Variants in FAXC observed in about 807,000 individuals in gnomAD.
FAXC encodes failed axon connections homolog, metaxin like GST domain containing, also known as failed axon connections homolog.
FAXC carries 10 observed loss-of-function variants against 41.9 expected under a neutral mutation model. The ratio of observed to expected loss-of-function variants is 0.24; its 90% CI spans 0.15 to 0.41. The LOEUF (loss-of-function observed/expected upper bound fraction) is 0.41. FAXC is among the 10% of genes least tolerant of loss of function. FAXC has a pLI of 1.00. For synonymous variants in FAXC, 183 were observed against 183.8 expected (o/e 1.00, Z 0.03); for missense variants, 399 against 510.9 (o/e 0.78, Z 2.11).
At chr6:99,345,544 A>C (rs1773560931) in intron 1 of FAXC, among the ~76,000 whole-genome samples, 1 of 152,194 alleles carries the variant, frequency 6.6e-6, no homozygotes, top group Admixed American at 6.5e-5. Context: ...CTGTACAGCT[A>C]TATTTTATAA....
rs1773702214 is a variant in FAXC at position 99,349,162 on chromosome 6, C to T, written c.211G>A (p.Gly71Arg). ...GCAGCTGCGGCCAGCAAAGCTCCCCCGGTCAAGTAAAGGGTTTTCTTCCAC... is the reference window on the plus strand; with the variant it reads ...GCAGCTGCGGCCAGCAAAGCTCCCCTGGTCAAGTAAAGGGTTTTCTTCCAC... ...PWWKKTLYLT[G>R]GALLAAAAYL... The change falls in exon 1 of 6, where the codon GGG (glycine) becomes AGG (arginine). Residue 71 changes from glycine (G) to arginine (R), a missense_variant. This residue lies in a region of FAXC where 239 missense variants were observed against 352.7 expected (regional missense o/e 0.68). Coordinates refer to ENST00000389677, the MANE Select transcript of FAXC (RefSeq NM_032511.4). 6.2e-7 allele frequency: 1 copy of T among 1,613,844 alleles called. No homozygotes were observed. Among genetic ancestry groups the T allele is most frequent in the Non-Finnish European group, 8.5e-7 (1 of 1,180,006 alleles).
intron 4 of FAXC, among the ~76,000 whole-genome samples, chr6:99,306,684 T>C (rs917412757): frequency 3.3e-5 from 5 of 152,176 alleles, no homozygotes; most frequent in African/African-American, 1.2e-4. Context: ...GGCTAAAAAG[T>C]GTTCAGCAAT....
At chr6:99,309,169 T>C (rs1372593477) in intron 4 of FAXC, among the ~76,000 whole-genome samples, 1 of 152,146 alleles carries the variant, frequency 6.6e-6, no homozygotes, top group East Asian at 1.9e-4. Context: ...CTCATAAAGA[T>C]TTTTTAAAGA....
At chr6:99,338,797 T>C (rs6569995) in intron 2 of FAXC, among the ~76,000 whole-genome samples, 134,578 of 152,236 alleles carry the variant, frequency 0.88, 59,914 homozygotes, top group East Asian at 1. Context: ...ACCTTGTTTC[T>C]TCCATTGCTG....
intron 4 of FAXC, among the ~76,000 whole-genome samples, chr6:99,300,871 T>C (rs1771677272): frequency 6.6e-6 from 1 of 152,212 alleles, no homozygotes; most frequent in Admixed American, 6.5e-5. Context: ...TCAAATCCTT[T>C]TATAAGGAAC....
rs1163691836 is a variant in FAXC, at chr6:99,280,237, G to T, written c.*927C>A. The T allele has an allele frequency of 2.6e-5, 4 of 152,162 alleles. No individual in the cohort carries two copies. The highest frequency in any genetic ancestry group is 7.2e-5 in the African/African-American group (3 of 41,456). The allele number at this position is 152,162 out of a possible 1,614,324, so 9.4% of individuals were successfully genotyped here. Reference sequence around the variant, plus strand: ...CATTTCCAATGTTCTTTGAACAAAAGATTTTGATTCAGCCAAGATTACAGA... The same window carrying T: ...CATTTCCAATGTTCTTTGAACAAAATATTTTGATTCAGCCAAGATTACAGA... On this transcript the variant is annotated 3_prime_UTR_variant, in exon 6 of 6. Coordinates refer to ENST00000389677, the MANE Select transcript of FAXC (RefSeq NM_032511.4).
chr6:99,348,013 A>G (rs967250388), intron 1 of FAXC, among the ~76,000 whole-genome samples: 1 of 152,230 alleles, frequency 6.6e-6, no homozygotes, highest in Non-Finnish European at 1.5e-5. Flanking sequence ...AGAGATGGGA[A>G]CTATTCAAAA....
intron 5 of FAXC, among the ~76,000 whole-genome samples, chr6:99,283,396 A>G (rs1770906803): frequency 6.6e-6 from 1 of 152,234 alleles, no homozygotes; most frequent in African/African-American, 2.4e-5. Context: ...AAATTTTTCA[A>G]AACTTGATTG....
chr6:99,320,792 A>C (rs1772556981), intron 4 of FAXC, among the ~76,000 whole-genome samples: 1 of 151,652 alleles, frequency 6.6e-6, no homozygotes, highest in African/African-American at 2.4e-5. Context: ...CACTGGGACA[A>C]CTCTTTTCTT....
chr6:99,320,857 AT>A (rs1288026297), intron 4 of FAXC, among the ~76,000 whole-genome samples: 1 of 151,986 alleles, frequency 6.6e-6, no homozygotes, highest in African/African-American at 2.4e-5. Flanking sequence ...CCCCCCTGCT[AT>A]TTCATCCCAG....
chr6:99,343,773 C>T (rs1489724055), intron 1 of FAXC, among the ~76,000 whole-genome samples: 1 of 152,166 alleles, frequency 6.6e-6, no homozygotes, highest in African/African-American at 2.4e-5. Flanking sequence ...ATGCCCTCAC[C>T]TAACCCTTCT....
At chr6:99,344,400 T>C (rs1773524968) in intron 1 of FAXC, among the ~76,000 whole-genome samples, 1 of 152,120 alleles carries the variant, frequency 6.6e-6, no homozygotes, top group Admixed American at 6.5e-5. Context: ...TTCCCTCGCA[T>C]TGTTCCCAGT....
intron 4 of FAXC, among the ~76,000 whole-genome samples, chr6:99,300,449 CT>C (rs1771661897): frequency 6.6e-6 from 1 of 152,212 alleles, no homozygotes; most frequent in Non-Finnish European, 1.5e-5. Context: ...TCTTAAAGAT[CT>C]ACAGCTAACA....
intron 3 of FAXC, among the ~76,000 whole-genome samples, chr6:99,324,921 C>A (rs758302286): frequency 5.3e-5 from 8 of 152,122 alleles, no homozygotes; most frequent in Non-Finnish European, 8.8e-5. Flanking sequence ...GTGGTACATG[C>A]CTGTAGTCCC....
chr6:99,349,117 G>C lies in FAXC; in HGVS notation c.256C>G (p.Leu86Val), dbSNP rs142426354. ...CTCTCTCCGGCTCACCTAATGACCA[G>C]GAGTTCGTGGAGCAGATACGCAGCT... The part of the protein sequence containing the change: ...AAAAYLLHEL[L>V]VIRKQQEIDS... Residue 86 changes from leucine (L) to valine (V), a missense_variant, in exon 1 of 6, where the codon CTG (leucine) becomes GTG (valine). By Grantham distance (32) the Leu-to-Val change is conservative (BLOSUM62 1). Around this residue, in one of 3 missense-constraint regions of FAXC, gnomAD observed 239 missense variants for 352.7 expected, o/e 0.68. Coordinates refer to ENST00000389677, the MANE Select transcript of FAXC (RefSeq NM_032511.4). 3,118 of 1,613,558 alleles carry C rather than the reference G, an allele frequency of 1.9e-3. 4 individuals are homozygous for C. The highest frequency in any genetic ancestry group is 2.5e-3 in the Non-Finnish European group (3,006 of 1,179,958).
At chr6:99,319,485 G>A (rs1307610307) in intron 4 of FAXC, among the ~76,000 whole-genome samples, 5 of 149,254 alleles carry the variant, frequency 3.3e-5, no homozygotes, top group East Asian at 2.0e-4. Context: ...TGCTGGTCAC[G>A]CCTGCCCTCC....
At chr6:99,292,109 C>T (rs955157824) in intron 4 of FAXC, among the ~76,000 whole-genome samples, 8 of 152,294 alleles carry the variant, frequency 5.3e-5, no homozygotes, top group Non-Finnish European at 1.2e-4. Flanking sequence ...ACCACCAGAC[C>T]TCTGGGAACC....
chr6:99,342,966 C>A lies in FAXC; in HGVS notation c.334G>T (p.Val112Phe). The A allele has an allele frequency of 6.2e-7, 1 of 1,612,266 alleles. No homozygotes were observed. The highest frequency in any genetic ancestry group is 2.2e-5 in the East Asian group (1 of 44,824). Residue 112 changes from valine to phenylalanine, a missense_variant, in exon 2 of 6, where the codon GTT becomes TTT. This residue lies in a region of FAXC where 239 missense variants were observed against 352.7 expected (regional missense o/e 0.68). Transcript: ENST00000389677. ...AAACAGAAAGGAGATAAACTTGGAA[C>A]ACCATTGTTAGGTCTTGCAAACTGA... ...LHQFARPNNGVPSLSPFCLKM... is the reference protein window; with the variant it reads ...LHQFARPNNGFPSLSPFCLKM...
intron 5 of FAXC, among the ~76,000 whole-genome samples, chr6:99,289,002 C>CACCCATCCATCTGTCCATCCATTT (rs1562151456): frequency 3.3e-5 from 5 of 152,106 alleles, no homozygotes; most frequent in African/African-American, 1.2e-4. Context: ...TCCATCCATT[C>CACCCATCCATCTGTCCATCCATTT]ACCCATCCAT....
Sources: gnomAD v4.1 joint callset for allele counts (sites outside exome capture counted in the v4.1 genomes callset) on GRCh38, gnomAD v4.1.1 for gene constraint, gnomAD v4.1.1 regional missense constraint, MANE v1.5 for transcripts, NCBI Gene and HGNC (gene_info 2026-07-23, HGNC 2026-07-21) for gene names.